Variants in CPAMD8 observed in about 807,000 individuals in gnomAD.
The protein encoded by CPAMD8 is C3 and PZP like alpha-2-macroglobulin domain containing 8.
A neutral mutation model predicts 224.7 loss-of-function variants in CPAMD8; 146 were observed. The ratio of observed to expected loss-of-function variants is 0.65; its 90% CI spans 0.57 to 0.75. The LOEUF (loss-of-function observed/expected upper bound fraction) is 0.75, where lower values mean the gene tolerates loss of function less well. Among genes scored for constraint, CPAMD8 ranks in the 30% least tolerant of loss-of-function variants. The pLI is 0.00. For missense variants in CPAMD8, 2,301 were observed against 2,537.5 expected (o/e 0.91, Z 2.00); for synonymous variants, 966 against 1,044.6 (o/e 0.92, Z 1.45).
intron 13 of CPAMD8, among the ~76,000 whole-genome samples, chr19:16,988,632 G>A (rs1018708901): frequency 1.3e-5 from 2 of 151,538 alleles, no homozygotes; most frequent in Non-Finnish European, 2.9e-5. Context: ...AAAAAAAAAA[G>A]AAAGAAAAGA....
chr19:16,896,538 G>T lies in CPAMD8; in HGVS notation c.5193C>A (p.Tyr1731Ter). The T allele has an allele frequency of 1.3e-6, 2 of 1,493,060 alleles. No homozygotes were observed. The highest frequency in any genetic ancestry group is 8.9e-7 in the Non-Finnish European group (1 of 1,128,528). 92.5% of individuals were successfully genotyped at this position (1,493,060 alleles called of 1,614,324 possible). A position where few individuals can be genotyped will look rare whatever the true frequency, so the allele number is the denominator to read the frequency against. The part of the protein sequence containing the change: ...NPVCGSDGVV[Y>*]ASACRLREAA... ...CCTCCCGCAGGCGGCAGGCGCTGGC[G>T]TAGACCACCCCGTCGGAGCCGCACA... Residue 1731 changes from tyrosine to a stop codon, truncating the protein, a stop_gained, in exon 40 of 42, where the codon TAC becomes TAA. Transcript: ENST00000443236. LOFTEE classifies it high-confidence loss of function.
chr19:16,914,343 C>A (rs757982612), intron 29 of CPAMD8, 81 bp downstream of exon 29: 1 of 1,149,370 alleles, frequency 8.7e-7, no homozygotes, highest in Admixed American at 1.8e-5. Flanking sequence ...GAAGAAATCA[C>A]CCCTGGCATA....
rs770704811 is a variant in CPAMD8, at chr19:16,895,907, A to G, written c.5426+269T>C. 1.4e-3 allele frequency: 688 copies of G among 476,446 alleles called. 6 individuals carry two copies. Among genetic ancestry groups the G allele is most frequent in the African/African-American group, 8.5e-3 (316 of 37,230 alleles). 29.5% of individuals were successfully genotyped at this position (476,446 alleles called of 1,614,324 possible). ...TATGCGCGCGCGCGCGCGCACGCACACACACACACACACACACACACGCGC... is the reference window on the plus strand; with the variant it reads ...TATGCGCGCGCGCGCGCGCACGCACGCACACACACACACACACACACGCGC... On this transcript the variant is annotated intron_variant, in intron 41 of 41. Coordinates refer to ENST00000443236, the MANE Select transcript of CPAMD8 (RefSeq NM_015692.5).
rs567119508 is a variant in CPAMD8 at position 16,946,177 on chromosome 19, T to TTG, written c.2663-500_2663-499dup. Reference sequence around the variant, plus strand: ...ATGTGGGCATGTGTGTGTGTATGATTTGTGTGTGTGTGTGCATGTCTGCAT... The same window carrying TTG: ...ATGTGGGCATGTGTGTGTGTATGATTTGTGTGTGTGTGTGTGCATGTCTGCAT... On this transcript the variant is annotated intron_variant, in intron 21 of 41. Coordinates refer to ENST00000443236, the MANE Select transcript of CPAMD8 (RefSeq NM_015692.5). 5.8e-3 allele frequency among the ~76,000 whole-genome samples: 879 copies of TTG among 150,938 alleles called. 33 individuals carry two copies. The highest frequency in any genetic ancestry group is 0.05 in the Admixed American group (757 of 15,172).
intron 6 of CPAMD8, 146 bp downstream of exon 6, chr19:17,009,157 C>G (rs2056579210): frequency 7.4e-7 from 1 of 1,356,222 alleles, no homozygotes; most frequent in Non-Finnish European, 1.0e-6. Context: ...ACCCAGGGAC[C>G]AGGATAGAAG....
intron 3 of CPAMD8, among the ~76,000 whole-genome samples, chr19:17,018,741 C>CACACACAT (rs1415019188): frequency 1.3e-5 from 2 of 151,316 alleles, no homozygotes; most frequent in African/African-American, 4.9e-5. Flanking sequence ...CACACACACA[C>CACACACAT]ACACACACAC....
chr19:16,997,024 T>G, intron 11 of CPAMD8, 87 bp downstream of exon 11: 1 of 832,290 alleles, frequency 1.2e-6, no homozygotes, highest in Admixed American at 1.9e-5. Context: ...CGTTTTCAGC[T>G]GAGTCACCAC....
At chr19:16,938,644 C>T (rs2053779542) in intron 22 of CPAMD8, among the ~76,000 whole-genome samples, 198 bp from the exon 23 acceptor site, 1 of 152,160 alleles carries the variant, frequency 6.6e-6, no homozygotes, top group South Asian at 2.1e-4. Context: ...ACTTCCCAGG[C>T]TCCAATGGGG....
intron 9 of CPAMD8, among the ~76,000 whole-genome samples, chr19:17,001,196 C>G (rs553706964): frequency 6.6e-6 from 1 of 152,018 alleles, no homozygotes; most frequent in Non-Finnish European, 1.5e-5. Flanking sequence ...GTGGCACATG[C>G]TTGTGATCCC....
At chr19:16,980,290 G>A (rs1017796985) in intron 14 of CPAMD8, among the ~76,000 whole-genome samples, 1 of 152,146 alleles carries the variant, frequency 6.6e-6, no homozygotes, top group African/African-American at 2.4e-5. Flanking sequence ...AGTGAGAAGA[G>A]TCTGGGGCCT....
chr19:16,958,513 A>G (rs1222884743), intron 18 of CPAMD8, among the ~76,000 whole-genome samples: 2 of 152,278 alleles, frequency 1.3e-5, no homozygotes, highest in East Asian at 3.9e-4. Context: ...TATTTATCCA[A>G]TCTGTCATTG....
intron 1 of CPAMD8, among the ~76,000 whole-genome samples, chr19:17,025,346 AG>A (rs2057051031): frequency 1.3e-5 from 2 of 152,196 alleles, no homozygotes; most frequent in South Asian, 4.1e-4. Flanking sequence ...TGGGAGGCGG[AG>A]GTTGCAGTAA....
chr19:16,971,623 G>A (rs1333546260), intron 17 of CPAMD8, among the ~76,000 whole-genome samples: 2 of 152,120 alleles, frequency 1.3e-5, no homozygotes, highest in Admixed American at 1.3e-4. Context: ...TACTGGGGAT[G>A]GGGTTTCCTT....
At chr19:16,967,926 T>TATATGTGCATATATACACACAC (rs2054912012) in intron 18 of CPAMD8, among the ~76,000 whole-genome samples, 1 of 117,486 alleles carries the variant, frequency 8.5e-6, no homozygotes, top group African/African-American at 4.6e-5. Flanking sequence ...TACACACACA[T>TATATGTGCATATATACACACAC]GTGTGTATAT....
At chr19:16,915,118 T>C (rs1302790513) in intron 27 of CPAMD8, among the ~76,000 whole-genome samples, 1 of 152,208 alleles carries the variant, frequency 6.6e-6, no homozygotes, top group Non-Finnish European at 1.5e-5. Flanking sequence ...GCCCTGCCTG[T>C]CCTGCCATGT....
chr19:16,974,813 A>G (rs147134091), intron 17 of CPAMD8, among the ~76,000 whole-genome samples: 195 of 152,076 alleles, frequency 1.3e-3, no homozygotes, highest in African/African-American at 4.4e-3. Context: ...CAAAGAAATA[A>G]AGCAAAATAA....
In CPAMD8 at chr19:17,016,732, C is replaced by A. The variant is rs377507832; in HGVS notation, c.267+3599G>T. ...CTGAGATCGTGCCACTGCACTCCAC[C>A]CTGGGCGACAGAGCAAGACTCTGTC... On this transcript the variant is annotated intron_variant, in intron 3 of 41. Transcript: ENST00000443236. Among the ~76,000 whole-genome samples the A allele has an allele frequency of 9.2e-5, 14 of 152,078 alleles. No individual in the cohort carries two copies. In the East Asian group the frequency reaches 2.7e-3, roughly 29 times the overall value.
At chr19:16,981,081 T>C (rs2055497365) in intron 13 of CPAMD8, among the ~76,000 whole-genome samples, 2 of 135,788 alleles carry the variant, frequency 1.5e-5, no homozygotes, top group Admixed American at 7.0e-5. Flanking sequence ...TCCCAGTATT[T>C]TGGGCTCACG....
chr19:16,998,082 G>C (rs1477572159), intron 10 of CPAMD8, among the ~76,000 whole-genome samples: 1 of 152,234 alleles, frequency 6.6e-6, no homozygotes, highest in Non-Finnish European at 1.5e-5. Context: ...CAGGAGAATG[G>C]CTGGGATTCT....
Sources: allele counts gnomAD v4.1 joint callset (sites outside exome capture counted in the v4.1 genomes callset), GRCh38; gene constraint gnomAD v4.1.1; transcripts MANE v1.5; gene names NCBI Gene and HGNC (gene_info 2026-07-23, HGNC 2026-07-21).